AUH: variants seen among roughly 807,000 people sequenced by gnomAD.
The protein encoded by AUH is methylglutaconyl-CoA hydratase, mitochondrial.
AUH carries 29 observed loss-of-function variants against 42.3 expected under a neutral mutation model. The observed-to-expected ratio is 0.69, with a 90% CI of 0.51 to 0.93. The LOEUF is 0.93. Among genes scored for constraint, AUH ranks in the 40% least tolerant of loss-of-function variants. AUH has a pLI of 0.00. For missense variants in AUH, 452 were observed against 438.1 expected, an observed-to-expected ratio of 1.03 and a Z score of -0.28; for synonymous variants, 174 against 166.4, an observed-to-expected ratio of 1.05 and a Z score of -0.35.
chr9:91,316,884 T>C (rs915774393), intron 4 of AUH, among the ~76,000 whole-genome samples: 5 of 152,252 alleles, frequency 3.3e-5, no homozygotes, highest in African/African-American at 1.2e-4. Flanking sequence ...AAGTTTAATT[T>C]GGTAAAATTG....
At position 91,277,897 on chromosome 9, in the gene AUH, T is replaced by C. The variant is rs575063795; in HGVS notation, c.655+18124A>G. On this transcript the variant is annotated intron_variant, in intron 6 of 9. Coordinates refer to ENST00000375731, the MANE Select transcript of AUH (RefSeq NM_001698.3). ...TCTTTGAATGCTCTGGGAGTTAAAT[T>C]TGGAAGTAATGCTATTCCTTTCTTA... Among the ~76,000 whole-genome samples, 5 of 152,290 alleles carry C rather than the reference T, an allele frequency of 3.3e-5. No individual in the cohort carries two copies. In the South Asian group the frequency reaches 1.0e-3, roughly 32 times the overall value.
chr9:91,306,694 T>C (rs1587823496), intron 4 of AUH, among the ~76,000 whole-genome samples: 1 of 152,196 alleles, frequency 6.6e-6, no homozygotes, highest in Non-Finnish European at 1.5e-5. Flanking sequence ...CACAATACAG[T>C]TTGAGGAGCT....
At chr9:91,334,757 A>C (rs542378573) in intron 3 of AUH, among the ~76,000 whole-genome samples, 1 of 152,230 alleles carries the variant, frequency 6.6e-6, no homozygotes, top group African/African-American at 2.4e-5. Flanking sequence ...GAAATGCTTC[A>C]CAAAATTGTA....
intron 3 of AUH, among the ~76,000 whole-genome samples, chr9:91,354,458 T>C (rs1428748400): frequency 1.3e-5 from 2 of 152,200 alleles, no homozygotes; most frequent in Admixed American, 6.5e-5. Context: ...TTTGAGGACA[T>C]TTTGCATGTC....
intron 3 of AUH, among the ~76,000 whole-genome samples, chr9:91,344,981 G>T (rs1461687416): frequency 6.7e-6 from 1 of 150,168 alleles, no homozygotes; most frequent in Non-Finnish European, 1.5e-5. Flanking sequence ...GCCAAAAAGA[G>T]ATTTGACAAA....
intron 6 of AUH, among the ~76,000 whole-genome samples, chr9:91,257,190 G>A (rs964240258): frequency 3.3e-5 from 5 of 151,996 alleles, no homozygotes; most frequent in Non-Finnish European, 5.9e-5. Flanking sequence ...TCTGAACCAG[G>A]GTAGCAGTAT....
At chr9:91,294,749 A>G (rs900417653) in intron 6 of AUH, 19 of 455,786 alleles carry the variant, frequency 4.2e-5, no homozygotes, top group Admixed American at 3.5e-4. Flanking sequence ...GATGATTCCA[A>G]TCTTCATGGA....
intron 6 of AUH, among the ~76,000 whole-genome samples, chr9:91,291,487 G>A (rs2131619728): frequency 6.6e-6 from 1 of 152,228 alleles, no homozygotes; most frequent in African/African-American, 2.4e-5. Flanking sequence ...AGTTATCTGG[G>A]AATTCTTTTT....
chr9:91,232,499 C>T lies in AUH; in HGVS notation c.656-11507G>A, dbSNP rs527474733. On this transcript the variant is annotated intron_variant, in intron 6 of 9. Coordinates refer to ENST00000375731, the MANE Select transcript of AUH (RefSeq NM_001698.3). ...TCCTAGGGGTAGTAAATTTATAGCA[C>T]TTTTCCTTCCACAGAAAAGCAACTA... Among the ~76,000 whole-genome samples, 5 of 152,260 alleles carry T rather than the reference C, an allele frequency of 3.3e-5. No individual in the cohort carries two copies. In the East Asian group the frequency reaches 9.7e-4, roughly 29 times the overall value.
At chr9:91,269,281 A>G (rs1452384182) in intron 6 of AUH, among the ~76,000 whole-genome samples, 1 of 152,236 alleles carries the variant, frequency 6.6e-6, no homozygotes, top group African/African-American at 2.4e-5. Flanking sequence ...GCCAAGCCAG[A>G]TAATTAATAT....
At chr9:91,234,985 G>GTTA (rs1288314371) in intron 6 of AUH, among the ~76,000 whole-genome samples, 2 of 151,706 alleles carry the variant, frequency 1.3e-5, no homozygotes, top group Non-Finnish European at 2.9e-5. Flanking sequence ...GTACAAAGAT[G>GTTA]TAAAGATGAG....
intron 3 of AUH, among the ~76,000 whole-genome samples, chr9:91,327,394 T>C (rs1398004256): frequency 6.6e-6 from 1 of 152,172 alleles, no homozygotes; most frequent in East Asian, 1.9e-4. Context: ...ATTGGTTCCT[T>C]CTGGATGATG....
chr9:91,255,522 A>G (rs1026819814), intron 6 of AUH, among the ~76,000 whole-genome samples: 8 of 152,340 alleles, frequency 5.3e-5, no homozygotes, highest in Non-Finnish European at 1.0e-4. Flanking sequence ...AGCTGCTTGT[A>G]ATAAAATAAC....
At chr9:91,307,993 G>T (rs535611183) in intron 4 of AUH, among the ~76,000 whole-genome samples, 1 of 152,132 alleles carries the variant, frequency 6.6e-6, no homozygotes, top group South Asian at 2.1e-4. Context: ...AATACACTAC[G>T]TAAGTGTAAT....
chr9:91,319,927 A>G (rs1360208040), intron 4 of AUH, among the ~76,000 whole-genome samples: 3 of 152,050 alleles, frequency 2.0e-5, no homozygotes, highest in African/African-American at 7.2e-5. Context: ...CTCTTTAACA[A>G]ACTTTCACTC....
chr9:91,284,109 A>G (rs550075408), intron 6 of AUH, among the ~76,000 whole-genome samples: 1 of 152,318 alleles, frequency 6.6e-6, no homozygotes, highest in Admixed American at 6.5e-5. Context: ...TGGTACCAAA[A>G]CAGAGATACA....
At chr9:91,326,698 C>T (rs1829987341) in intron 3 of AUH, among the ~76,000 whole-genome samples, 1 of 152,104 alleles carries the variant, frequency 6.6e-6, no homozygotes, top group Non-Finnish European at 1.5e-5. Context: ...GTATGACTGG[C>T]AATGGGTACA....
chr9:91,354,951 A>G (rs1178435690), intron 3 of AUH, among the ~76,000 whole-genome samples: 2 of 152,138 alleles, frequency 1.3e-5, no homozygotes, highest in Non-Finnish European at 2.9e-5. Flanking sequence ...AAATATACAT[A>G]AAACCCTTAT....
At chr9:91,358,217 GAAAGA>G (rs1196653741) in intron 1 of AUH, among the ~76,000 whole-genome samples, 1 of 152,228 alleles carries the variant, frequency 6.6e-6, no homozygotes, top group Non-Finnish European at 1.5e-5. Context: ...CCAATTGGAT[GAAAGA>G]TGACATTTAA....
Sources: allele counts gnomAD v4.1 joint callset (sites outside exome capture counted in the v4.1 genomes callset), GRCh38; gene constraint gnomAD v4.1.1; transcripts MANE v1.5; gene names NCBI Gene and HGNC (gene_info 2026-07-23, HGNC 2026-07-21).